The following SGCZ variants were observed in gnomAD, a reference collection of about 807,000 sequenced individuals.
SGCZ encodes zeta-sarcoglycan.
A neutral mutation model predicts 41.3 loss-of-function variants in SGCZ; 40 were observed. The observed-to-expected ratio is 0.97, with a 90% CI of 0.75 to 1.26. The LOEUF (loss-of-function observed/expected upper bound fraction) is 1.26, where lower values mean the gene tolerates loss of function less well. Among genes scored for constraint, SGCZ ranks in the 50% most tolerant of loss-of-function variants. The pLI is 0.00. For missense variants in SGCZ, 552 were observed against 369.8 expected (o/e 1.49, Z -4.04); for synonymous variants, 206 against 137.5 (o/e 1.50, Z -3.49).
intron 2 of SGCZ, among the ~76,000 whole-genome samples, chr8:14,489,606 T>C (rs1006834648): frequency 6.6e-6 from 1 of 152,020 alleles, no homozygotes; most frequent in Non-Finnish European, 1.5e-5. Flanking sequence ...TACTAAAAAA[T>C]AATGATGTTG....
At chr8:14,320,557 G>A (rs570833858) in intron 3 of SGCZ, among the ~76,000 whole-genome samples, 1 of 151,932 alleles carries the variant, frequency 6.6e-6, no homozygotes, top group Admixed American at 6.6e-5. Flanking sequence ...ATTCTATAAA[G>A]AATAATTGAA....
chr8:14,490,112 C>T (rs1186187891), intron 2 of SGCZ, among the ~76,000 whole-genome samples: 1 of 152,078 alleles, frequency 6.6e-6, no homozygotes, highest in Non-Finnish European at 1.5e-5. Context: ...GTGATCCACC[C>T]GCCTTGGCCT....
chr8:14,090,375 C>T lies in SGCZ; in HGVS notation c.*68G>A, dbSNP rs943015246. The T allele has an allele frequency of 1.3e-5, 20 of 1,517,970 alleles. No homozygotes were observed. The highest frequency in any genetic ancestry group is 1.3e-4 in the South Asian group (10 of 77,796). The allele number at this position is 1,517,970 out of a possible 1,614,324, so 94.0% of individuals were successfully genotyped here. A position where few individuals can be genotyped will look rare whatever the true frequency, so the allele number is the denominator to read the frequency against. ...GCTCTGGACTGATCACAAGGGAAAC[C>T]GAGCAGAACTGTGAAGCAGACGGAC... is the stretch of plus-strand genomic sequence containing the variant. On this transcript the variant is annotated 3_prime_UTR_variant, in exon 8 of 8. Transcript: ENST00000382080.
chr8:14,773,492 A>G (rs947941290), intron 1 of SGCZ, among the ~76,000 whole-genome samples: 1 of 152,180 alleles, frequency 6.6e-6, no homozygotes, highest in Non-Finnish European at 1.5e-5. Flanking sequence ...GAGCCATATG[A>G]TCAACATTTC....
At chr8:14,586,564 T>A (rs544234816) in intron 1 of SGCZ, among the ~76,000 whole-genome samples, 2 of 152,256 alleles carry the variant, frequency 1.3e-5, no homozygotes, top group East Asian at 1.9e-4. Context: ...TAAGCATTTT[T>A]AATTAAAAAA....
chr8:14,472,578 G>T (rs528664234), intron 2 of SGCZ, among the ~76,000 whole-genome samples: 1 of 152,174 alleles, frequency 6.6e-6, no homozygotes, highest in Admixed American at 6.5e-5. Flanking sequence ...TACATTATAA[G>T]AAAACTCAAT....
intron 1 of SGCZ, among the ~76,000 whole-genome samples, chr8:14,863,851 C>T (rs1803837355): frequency 6.6e-6 from 1 of 151,894 alleles, no homozygotes; most frequent in Non-Finnish European, 1.5e-5. Context: ...CTCAGGGGGG[C>T]AATTAGTACC....
chr8:14,209,102 G>C (rs186877001), intron 4 of SGCZ, among the ~76,000 whole-genome samples: 1 of 152,308 alleles, frequency 6.6e-6, no homozygotes, highest in Non-Finnish European at 1.5e-5. Context: ...TATATAGTAA[G>C]AAGCAGAAAA....
At chr8:14,491,119 T>A (rs1366482151) in intron 2 of SGCZ, among the ~76,000 whole-genome samples, 1 of 120,414 alleles carries the variant, frequency 8.3e-6, no homozygotes, top group Non-Finnish European at 1.8e-5. Context: ...CTAATTTGTT[T>A]ACTTGGTTTA....
intron 1 of SGCZ, among the ~76,000 whole-genome samples, chr8:14,963,216 G>C (rs1481912616): frequency 6.6e-6 from 1 of 152,160 alleles, no homozygotes; most frequent in African/African-American, 2.4e-5. Context: ...ACCAGGTACT[G>C]TGTGTATATG....
At chr8:14,617,827 T>A (rs1202643604) in intron 1 of SGCZ, among the ~76,000 whole-genome samples, 1 of 138,384 alleles carries the variant, frequency 7.2e-6, no homozygotes, top group Non-Finnish European at 1.6e-5. Flanking sequence ...GAAAAGTAAG[T>A]TTTTATAATT....
chr8:14,199,503 T>C (rs1011115867), intron 4 of SGCZ, among the ~76,000 whole-genome samples: 6 of 152,182 alleles, frequency 3.9e-5, no homozygotes, highest in Non-Finnish European at 2.9e-5. Context: ...TTGTGAAGCA[T>C]GTGATCTCTG....
At chr8:15,078,149 T>TC in intron 1 of SGCZ, among the ~76,000 whole-genome samples, 1 of 109,708 alleles carries the variant, frequency 9.1e-6, no homozygotes, top group Non-Finnish European at 1.8e-5. Flanking sequence ...GAACTCTTCT[T>TC]TTTTTTTTTT....
chr8:14,119,304 A>G (rs544308859), intron 5 of SGCZ, among the ~76,000 whole-genome samples: 1 of 151,966 alleles, frequency 6.6e-6, no homozygotes, highest in South Asian at 2.1e-4. Flanking sequence ...ATTCCTAGGT[A>G]TTTTATTATC....
intron 5 of SGCZ, among the ~76,000 whole-genome samples, chr8:14,143,481 G>A (rs1803433029): frequency 6.6e-6 from 1 of 152,180 alleles, no homozygotes; most frequent in Non-Finnish European, 1.5e-5. Flanking sequence ...CAGAAGGTCA[G>A]AGGATATAAG....
intron 1 of SGCZ, among the ~76,000 whole-genome samples, chr8:14,973,469 T>A (rs1801365460): frequency 6.6e-6 from 1 of 152,236 alleles, no homozygotes; most frequent in African/African-American, 2.4e-5. Flanking sequence ...CGCTTGCCTA[T>A]GCCAATTGTC....
intron 1 of SGCZ, among the ~76,000 whole-genome samples, chr8:14,581,653 T>G (rs1384181411): frequency 6.6e-6 from 1 of 152,078 alleles, no homozygotes; most frequent in Non-Finnish European, 1.5e-5. Context: ...CCAGAAAGCA[T>G]CACCAAGAGT....
intron 1 of SGCZ, among the ~76,000 whole-genome samples, chr8:14,802,470 G>A (rs1017571550): frequency 6.6e-6 from 1 of 152,000 alleles, no homozygotes; most frequent in African/African-American, 2.4e-5. Context: ...CCCCATTCAG[G>A]GGATACTCCC....
intron 4 of SGCZ, among the ~76,000 whole-genome samples, chr8:14,195,125 T>C (rs2117055576): frequency 6.6e-6 from 1 of 152,178 alleles, no homozygotes; most frequent in East Asian, 1.9e-4. Flanking sequence ...TTTTAGCCAA[T>C]TAAAAGTGAC....
Sources: gnomAD v4.1 joint callset for allele counts (sites outside exome capture counted in the v4.1 genomes callset) on GRCh38, gnomAD v4.1.1 for gene constraint, MANE v1.5 for transcripts, NCBI Gene and HGNC (gene_info 2026-07-23, HGNC 2026-07-21) for gene names.